The following TRIM55 variants were observed in gnomAD, a reference collection of about 807,000 sequenced individuals.
TRIM55 encodes tripartite motif-containing protein 55.
In TRIM55, 50 loss-of-function variants were observed where a neutral mutation model predicts 60.9. That is an observed-to-expected ratio of 0.82 (90% CI 0.65 to 1.04). TRIM55 has a LOEUF of 1.04. Ranked by LOEUF, TRIM55 falls within the 50% of genes least tolerant of loss-of-function variation. The probability of loss-of-function intolerance (pLI) is 0.00; values close to 1 mark genes in which losing one functional copy is unlikely to be tolerated. For synonymous variants in TRIM55, 237 were observed against 238.1 expected, an observed-to-expected ratio of 1.00 and a Z score of 0.04; for missense variants, 681 against 666.9, an observed-to-expected ratio of 1.02 and a Z score of -0.23.
intron 9 of TRIM55, among the ~76,000 whole-genome samples, chr8:66,174,158 T>C (rs1425774530): frequency 6.6e-6 from 1 of 151,034 alleles, no homozygotes; most frequent in Non-Finnish European, 1.5e-5. Context: ...ATAAATCATG[T>C]ACAAGTGGAC....
upstream of TRIM55, among the ~76,000 whole-genome samples, chr8:66,124,322 A>G (rs1808740310): frequency 6.6e-6 from 1 of 152,118 alleles, no homozygotes; most frequent in African/African-American, 2.4e-5. Flanking sequence ...ACTTTTAACG[A>G]CTTCCTGCTG....
chr8:66,143,671 T>G (rs1378970274), intron 4 of TRIM55, among the ~76,000 whole-genome samples: 1 of 152,164 alleles, frequency 6.6e-6, no homozygotes, highest in Non-Finnish European at 1.5e-5. Flanking sequence ...ACTGAAGCTT[T>G]TGCATGAAGG....
chr8:66,150,408 C>G lies in TRIM55; in HGVS notation c.927C>G (p.His309Gln). 1 of 1,614,116 alleles carries G rather than the reference C, an allele frequency of 6.2e-7. No individual in the cohort carries two copies. Among genetic ancestry groups the G allele is most frequent in the Non-Finnish European group, 8.5e-7 (1 of 1,179,978 alleles). ...AACATGGCTATGAGAACATGAACCACTTCACAGTCAACCTCAATAGAGAAG... is the reference window on the plus strand; with the variant it reads ...AACATGGCTATGAGAACATGAACCAGTTCACAGTCAACCTCAATAGAGAAG... ...KIEHGYENMN[H>Q]FTVNLNREEK... Residue 309 changes from histidine to glutamine, a missense_variant, in exon 7 of 10, where the codon CAC becomes CAG. By Grantham distance (24) the His-to-Gln change is conservative. Coordinates refer to ENST00000315962, the MANE Select transcript of TRIM55 (RefSeq NM_184085.2).
the TRIM55 span, among the ~76,000 whole-genome samples, chr8:66,118,345 T>C: frequency 2.0e-5 from 3 of 151,892 alleles, no homozygotes; most frequent in Non-Finnish European, 4.4e-5. Flanking sequence ...GCAAACCATC[T>C]AATGAAAGAA....
the TRIM55 span, among the ~76,000 whole-genome samples, chr8:66,115,573 G>A: frequency 5.9e-5 from 9 of 152,150 alleles, no homozygotes; most frequent in East Asian, 1.9e-4. Flanking sequence ...CACACGTTTC[G>A]GGGAGGTGAC....
rs1443165465 is a variant in TRIM55 at position 66,137,265 on chromosome 8, A to G, written c.603+75A>G. 4.7e-6 allele frequency: 5 copies of G among 1,061,364 alleles called. No individual in the cohort carries two copies. The East Asian group carries it at 1.2e-4, about 26-fold the overall frequency. The allele number at this position is 1,061,364 out of a possible 1,614,324, so 65.7% of individuals were successfully genotyped here. A position where few individuals can be genotyped will look rare whatever the true frequency, so the allele number is the denominator to read the frequency against. On this transcript the variant is annotated intron_variant, in intron 4 of 9. Coordinates refer to ENST00000315962, the MANE Select transcript of TRIM55 (RefSeq NM_184085.2). ...GGGTTTATGACTTCCTTAGTGCCACACTAGACATCCCTATTCTGACCTTTC... is the reference window on the plus strand; with the variant it reads ...GGGTTTATGACTTCCTTAGTGCCACGCTAGACATCCCTATTCTGACCTTTC...
At chr8:66,138,884 A>G (rs1416736097) in intron 4 of TRIM55, among the ~76,000 whole-genome samples, 1 of 152,240 alleles carries the variant, frequency 6.6e-6, no homozygotes, top group Non-Finnish European at 1.5e-5. Context: ...TTATTATTTT[A>G]TCATTAGAAA....
chr8:66,150,245 A>T lies in TRIM55; in HGVS notation c.860+6A>T. The T allele has an allele frequency of 6.2e-7, 1 of 1,613,066 alleles. No individual in the cohort carries two copies. The highest frequency in any genetic ancestry group is 1.7e-5 in the Admixed American group (1 of 59,924). ...GCCAAAACCCTGCTAAAAAAGTAAG[A>T]ACTTTTTATTTTATGTAAAAATGCA... On this transcript the variant is annotated splice_donor_region_variant and intron_variant, in intron 6 of 9. Coordinates refer to ENST00000315962, the MANE Select transcript of TRIM55 (RefSeq NM_184085.2).
At chr8:66,149,211 A>G (rs1310183286) in intron 4 of TRIM55, among the ~76,000 whole-genome samples, 1 of 152,212 alleles carries the variant, frequency 6.6e-6, no homozygotes, top group African/African-American at 2.4e-5. Context: ...CTAGGACAAT[A>G]TTGGTATAGG....
At chr8:66,174,270 T>C (rs182887024) in intron 9 of TRIM55, among the ~76,000 whole-genome samples, 24 of 152,026 alleles carry the variant, frequency 1.6e-4, no homozygotes, top group Admixed American at 2.0e-4. Context: ...TGAGTGTGAA[T>C]TATTTTCATG....
At chr8:66,171,080 G>A (rs1158518726) in intron 9 of TRIM55, among the ~76,000 whole-genome samples, 2 of 152,160 alleles carry the variant, frequency 1.3e-5, no homozygotes, top group African/African-American at 4.8e-5. Flanking sequence ...ACCTAAGGAT[G>A]CATTTCTTTT....
intron 6 of TRIM55, 23 bp from the exon 7 acceptor site, chr8:66,150,319 G>T: frequency 6.2e-7 from 1 of 1,614,104 alleles, no homozygotes; most frequent in Non-Finnish European, 8.5e-7. Context: ...GTGACAGAAA[G>T]TGGCAACTTG....
At chr8:66,158,725 G>GT (rs750643761) in intron 9 of TRIM55, among the ~76,000 whole-genome samples, 19 of 152,230 alleles carry the variant, frequency 1.2e-4, no homozygotes, top group Non-Finnish European at 2.6e-4. Flanking sequence ...TAGATTCTCA[G>GT]TGAGTTAGAG....
At chr8:66,155,705 T>C (rs376165498) in intron 9 of TRIM55, 2 of 1,602,114 alleles carry the variant, frequency 1.2e-6, no homozygotes, top group Non-Finnish European at 1.7e-6. Context: ...ATTTTTACTT[T>C]AATGGGTAGG....
chr8:66,139,347 G>T (rs1415542073), intron 4 of TRIM55, among the ~76,000 whole-genome samples: 2 of 152,122 alleles, frequency 1.3e-5, no homozygotes, highest in African/African-American at 4.8e-5. Flanking sequence ...AGTCCTGGGG[G>T]GTCCATCTGG....
chr8:66,174,563 CT>C lies in TRIM55; in HGVS notation c.1621del (p.Ser541ProfsTer3). The C allele has an allele frequency of 6.2e-7, 1 of 1,606,486 alleles. No homozygotes were observed. The highest frequency in any genetic ancestry group is 1.1e-5 in the South Asian group (1 of 90,184). ...CTGAGCCAGCTCGCCATATCTTCTC[CT>C]TTTCCTGGTTGAACTCCCTAAATGA... ...DSEPARHIFSFSWLNSLNE is the reference protein window; with the variant it reads ...DSEPARHIFSXSWLNSLNE On this transcript the variant is annotated frameshift_variant, in exon 10 of 10. Transcript: ENST00000315962. LOFTEE classifies it high-confidence loss of function.
chr8:66,138,128 A>G (rs1809590497), intron 4 of TRIM55, among the ~76,000 whole-genome samples: 1 of 152,124 alleles, frequency 6.6e-6, no homozygotes, highest in Admixed American at 6.5e-5. Flanking sequence ...GGGTGGAGGT[A>G]TGATGCTGTT....
chr8:66,148,342 C>G (rs544454174), intron 4 of TRIM55, among the ~76,000 whole-genome samples: 1 of 152,330 alleles, frequency 6.6e-6, no homozygotes, highest in East Asian at 1.9e-4. Flanking sequence ...CCTTTCTCTC[C>G]AAGAGCATAG....
Position 66,152,626 on chromosome 8 carries a change from A to G in TRIM55, c.1235A>G (p.Gln412Arg). The change falls in exon 8 of 10, where the codon CAG becomes CGG. Residue 412 changes from glutamine to arginine, a missense_variant and splice_region_variant. Coordinates refer to ENST00000315962, the MANE Select transcript of TRIM55 (RefSeq NM_184085.2). ...LPPAADAPVT[Q>R]GEVVPTGSEQ... The stretch of plus-strand genomic sequence containing the variant: ...CCTGCTGCGGATGCCCCTGTGACAC[A>G]GGTAACCCCTCCTGAGTCTCTTTCT... 5 of 1,613,392 alleles carry G rather than the reference A, an allele frequency of 3.1e-6. No homozygotes were observed. Among genetic ancestry groups the G allele is most frequent in the Non-Finnish European group, 4.2e-6 (5 of 1,179,694 alleles).
Sources: gnomAD v4.1 joint callset for allele counts (sites outside exome capture counted in the v4.1 genomes callset) on GRCh38, gnomAD v4.1.1 for gene constraint, MANE v1.5 for transcripts, NCBI Gene and HGNC (gene_info 2026-07-23, HGNC 2026-07-21) for gene names.